Variants in SCN4B observed in about 807,000 individuals in gnomAD.
The protein encoded by SCN4B is sodium voltage-gated channel beta subunit 4.
Under a neutral mutation model 19.6 loss-of-function variants are expected in SCN4B, and 20 were observed. The observed-to-expected ratio is 1.02, with a 90% confidence interval of 0.72 to 1.48. SCN4B has a LOEUF of 1.48. Ranked by LOEUF, SCN4B falls within the 40% of genes most tolerant of loss-of-function variation. The probability of loss-of-function intolerance (pLI) is 0.00; values close to 1 mark genes in which losing one functional copy is unlikely to be tolerated. For synonymous variants in SCN4B, 127 were observed against 122.8 expected (o/e 1.03, Z -0.22); for missense variants, 271 against 287.5 (o/e 0.94, Z 0.42).
chr11:118,147,425 G>C (rs1948191531), intron 1 of SCN4B, among the ~76,000 whole-genome samples: 1 of 152,094 alleles, frequency 6.6e-6, no homozygotes, highest in Admixed American at 6.5e-5. Context: ...AGATTACCTT[G>C]CTCATGGCCA....
chr11:118,134,015 G>GCACACTC lies in SCN4B; in HGVS notation c.*3005_*3011dup. The stretch of plus-strand genomic sequence containing the variant: ...CCATGCACCCACACTGCCTGCACAC[G>GCACACTC]CACACTCCACACAAGCACACCCCAC... On this transcript the variant is annotated 3_prime_UTR_variant, in exon 5 of 5. Transcript: ENST00000324727. The GCACACTC allele has an allele frequency of 4.4e-6, 2 of 454,586 alleles. No individual in the cohort carries two copies. The highest frequency in any genetic ancestry group is 8.8e-6 in the Non-Finnish European group (2 of 226,776). 28.2% of individuals were successfully genotyped at this position (454,586 alleles called of 1,614,324 possible).
chr11:118,150,370 G>A (rs1191297740), intron 1 of SCN4B, among the ~76,000 whole-genome samples: 1 of 152,150 alleles, frequency 6.6e-6, no homozygotes, highest in South Asian at 2.1e-4. Flanking sequence ...GGGGAGAGGG[G>A]AAGAGGACTC....
Position 118,137,084 on chromosome 11 carries a change from G to A in SCN4B, c.630C>T (p.Asn210=), listed in dbSNP as rs1418864816. ...ECLVSSSGND[N]TENGLPGSKA... is the part of the protein sequence containing the mutation. ...TGGAGCCAGGCAAGCCGTTCTCCGT[G>A]TTGTCATTCCCCGAGGAGCTCACGA... Residue 210 remains asparagine (N), a synonymous_variant, in exon 5 of 5, where the codon AAC becomes AAT. Coordinates refer to ENST00000324727, the MANE Select transcript of SCN4B (RefSeq NM_174934.4). 1.9e-6 allele frequency: 3 copies of A among 1,613,972 alleles called. No individual in the cohort carries two copies. Among genetic ancestry groups the A allele is most frequent in the African/African-American group, 1.3e-5 (1 of 74,936 alleles).
rs377621220 is a variant in SCN4B, at chr11:118,144,068, G to A, written c.235-7C>T. 3.9e-5 allele frequency: 63 copies of A among 1,595,070 alleles called. No homozygotes were observed. In the African/African-American group the frequency reaches 8.2e-4, roughly 21 times the overall value. On this transcript the variant is annotated splice_region_variant and splice_polypyrimidine_tract_variant and intron_variant, in intron 2 of 4. Coordinates refer to ENST00000324727, the MANE Select transcript of SCN4B (RefSeq NM_174934.4). ...TCACAGTCCCCTCTATGAGCTGGTG[G>A]AGGAAGGGAGTTGGGGTGAGAAAGT...
Position 118,133,550 on chromosome 11 carries a change from A to G in SCN4B, c.*3477T>C. On this transcript the variant is annotated 3_prime_UTR_variant, in exon 5 of 5. Transcript: ENST00000324727. ...GCACTCGCACACCTGAGGCCTCCCA[A>G]GGCCTGTTGTTGCATCATTTGATCT... 1 of 454,420 alleles carries G rather than the reference A, an allele frequency of 2.2e-6. No homozygotes were observed. Among genetic ancestry groups the G allele is most frequent in the African/African-American group, 2.0e-5 (1 of 50,136 alleles). The allele number at this position is 454,420 out of a possible 1,614,324, so 28.1% of individuals were successfully genotyped here. A position where few individuals can be genotyped will look rare whatever the true frequency, so the allele number is the denominator to read the frequency against.
intron 1 of SCN4B, among the ~76,000 whole-genome samples, chr11:118,151,030 T>C (rs1565458340): frequency 6.6e-6 from 1 of 152,124 alleles, no homozygotes. Flanking sequence ...AGCCCCTACC[T>C]GGTCTATACA....
At chr11:118,145,409 C>T (rs1948159357) in intron 1 of SCN4B, 180 bp from the exon 2 acceptor site, 13 of 1,523,210 alleles carry the variant, frequency 8.5e-6, no homozygotes, top group Non-Finnish European at 1.1e-5. Flanking sequence ...CTCCATCATT[C>T]TCCATTTCTC....
intron 1 of SCN4B, chr11:118,145,540 C>T: frequency 2.5e-6 from 3 of 1,200,562 alleles, no homozygotes; most frequent in East Asian, 4.7e-5. Context: ...CGCGCCCCGG[C>T]TCCGCCCCTC....
At chr11:118,140,893 T>C (rs531861931) in intron 4 of SCN4B, among the ~76,000 whole-genome samples, 67 of 152,312 alleles carry the variant, frequency 4.4e-4, no homozygotes, top group African/African-American at 1.5e-3. Flanking sequence ...GGTAAGGCTC[T>C]CGGTTGGGTG....
chr11:118,141,600 C>G, intron 3 of SCN4B: 1 of 547,158 alleles, frequency 1.8e-6, no homozygotes. Flanking sequence ...CACACGAGTT[C>G]TGGAATAAAT....
chr11:118,150,005 GCTT>G (rs1207494437), intron 1 of SCN4B, among the ~76,000 whole-genome samples: 1 of 152,236 alleles, frequency 6.6e-6, no homozygotes, highest in Non-Finnish European at 1.5e-5. Context: ...CAGTCTCCTT[GCTT>G]CTTCTTTCCT....
In SCN4B at chr11:118,133,418, TA is replaced by T. The variant is rs1240643877; in HGVS notation, c.*3608del. 1 of 416,574 alleles carries T rather than the reference TA, an allele frequency of 2.4e-6. No homozygotes were observed. Among genetic ancestry groups the T allele is most frequent in the Non-Finnish European group, 4.9e-6 (1 of 205,902 alleles). The allele number at this position is 416,574 out of a possible 1,614,324, so 25.8% of individuals were successfully genotyped here. On this transcript the variant is annotated 3_prime_UTR_variant, in exon 5 of 5. Coordinates refer to ENST00000324727, the MANE Select transcript of SCN4B (RefSeq NM_174934.4). Reference sequence around the variant, plus strand: ...TTATTTCATCCAAGGCAAAGCTAAATACAATTCTACAATGCAAAACTTGTTG... The same window carrying T: ...TTATTTCATCCAAGGCAAAGCTAAATCAATTCTACAATGCAAAACTTGTTG...
At chr11:118,146,416 C>T (rs1397613787) in intron 1 of SCN4B, among the ~76,000 whole-genome samples, 1 of 152,196 alleles carries the variant, frequency 6.6e-6, no homozygotes, top group Non-Finnish European at 1.5e-5. Flanking sequence ...GGATGCCTGC[C>T]TCACCTCCTC....
At chr11:118,150,648 C>G (rs1460460844) in intron 1 of SCN4B, among the ~76,000 whole-genome samples, 2 of 152,212 alleles carry the variant, frequency 1.3e-5, no homozygotes, top group African/African-American at 4.8e-5. Context: ...CTCTCTGGAC[C>G]ATGACTTCCT....
chr11:118,152,820 G>A lies in SCN4B; in HGVS notation c.-147C>T, dbSNP rs1219202975. The A allele has an allele frequency of 2.9e-5, 16 of 551,298 alleles. No homozygotes were observed. Among genetic ancestry groups the A allele is most frequent in the Non-Finnish European group, 5.0e-5 (16 of 318,846 alleles). The allele number at this position is 551,298 out of a possible 1,614,324, so 34.2% of individuals were successfully genotyped here. ...GGGCTCGGGAAAGTTAGCGGGCAGAGAGCGAGAGGAGGGGGAGGGAGGGAG... is the reference window on the plus strand; with the variant it reads ...GGGCTCGGGAAAGTTAGCGGGCAGAAAGCGAGAGGAGGGGGAGGGAGGGAG... On this transcript the variant is annotated 5_prime_UTR_variant, in exon 1 of 5. Transcript: ENST00000324727.
At chr11:118,137,729 A>C (rs1948036880) in intron 4 of SCN4B, among the ~76,000 whole-genome samples, 1 of 152,206 alleles carries the variant, frequency 6.6e-6, no homozygotes, top group African/African-American at 2.4e-5. Context: ...TTGTCTCAAC[A>C]TGGCAGGAAG....
intron 1 of SCN4B, among the ~76,000 whole-genome samples, chr11:118,150,538 G>A (rs1005010253): frequency 2.0e-5 from 3 of 152,152 alleles, no homozygotes; most frequent in African/African-American, 7.2e-5. Flanking sequence ...CCAGACTTGA[G>A]TTAAGTGGGA....
intron 4 of SCN4B, among the ~76,000 whole-genome samples, chr11:118,138,807 G>A (rs141754779): frequency 3.3e-5 from 5 of 152,166 alleles, no homozygotes; most frequent in African/African-American, 1.2e-4. Context: ...AACCAAGAAA[G>A]ATGAGCAGGA....
Position 118,136,255 on chromosome 11 carries a change from G to T in SCN4B, c.*772C>A, listed in dbSNP as rs1267621848. 1 of 453,716 alleles carries T rather than the reference G, an allele frequency of 2.2e-6. No homozygotes were observed. The highest frequency in any genetic ancestry group is 4.4e-6 in the Non-Finnish European group (1 of 226,698). 28.1% of individuals were successfully genotyped at this position (453,716 alleles called of 1,614,324 possible). ...GTGGCCCAATTCCCCAAGTAGAAATGCTTGGAAAGGCATAGGGAGCACTCG... is the reference window on the plus strand; with the variant it reads ...GTGGCCCAATTCCCCAAGTAGAAATTCTTGGAAAGGCATAGGGAGCACTCG... On this transcript the variant is annotated 3_prime_UTR_variant, in exon 5 of 5. Transcript: ENST00000324727.
Sources: allele counts gnomAD v4.1 joint callset (sites outside exome capture counted in the v4.1 genomes callset), GRCh38; gene constraint gnomAD v4.1.1; transcripts MANE v1.5; gene names NCBI Gene and HGNC (gene_info 2026-07-23, HGNC 2026-07-21).